The following SRGAP3 variants were observed in gnomAD, a reference collection of about 807,000 sequenced individuals.
SRGAP3 encodes the protein SLIT-ROBO Rho GTPase activating protein 3, also known as SLIT-ROBO Rho GTPase-activating protein 3.
A neutral mutation model predicts 121.1 loss-of-function variants in SRGAP3; 39 were observed. The observed-to-expected ratio is 0.32, with a 90% confidence interval of 0.25 to 0.42. SRGAP3 has a LOEUF of 0.42. Ranked by LOEUF, SRGAP3 falls within the 10% of genes least tolerant of loss-of-function variation. The pLI is 1.00. For missense variants in SRGAP3, 1,213 were observed against 1,470.6 expected (o/e 0.82, Z 2.86); for synonymous variants, 601 against 570.0 (o/e 1.05, Z -0.77).
chr3:9,289,364 C>T (rs758999954), intron 3 of SRGAP3, among the ~76,000 whole-genome samples: 1 of 152,198 alleles, frequency 6.6e-6, no homozygotes, highest in Non-Finnish European at 1.5e-5. Flanking sequence ...TGTTGCCTTG[C>T]TTCCCTGTAA....
At chr3:8,991,995 A>G (rs1357956729) in intron 20 of SRGAP3, among the ~76,000 whole-genome samples, 1 of 152,242 alleles carries the variant, frequency 6.6e-6, no homozygotes, top group Non-Finnish European at 1.5e-5. Flanking sequence ...TTCTTTGTCT[A>G]CCTACGCCAG....
chr3:9,297,042 A>G (rs1954964729), intron 3 of SRGAP3, among the ~76,000 whole-genome samples: 1 of 152,090 alleles, frequency 6.6e-6, no homozygotes, highest in Admixed American at 6.5e-5. Context: ...GCACCACCGC[A>G]CCCAGCTAAT....
At chr3:9,334,409 T>A (rs1231032166) in intron 1 of SRGAP3, among the ~76,000 whole-genome samples, 1 of 152,042 alleles carries the variant, frequency 6.6e-6, no homozygotes, top group Non-Finnish European at 1.5e-5. Flanking sequence ...TACAATGTGA[T>A]ATGTGTTGTA....
At chr3:9,252,300 T>C (rs1954035480), upstream of SRGAP3, among the ~76,000 whole-genome samples, 1 of 150,370 alleles carries the variant, frequency 6.7e-6, no homozygotes, top group East Asian at 2.0e-4. Flanking sequence ...CAAATAAAAC[T>C]TTTTTTTTTC....
chr3:9,110,147 G>A (rs1948563737), intron 2 of SRGAP3, among the ~76,000 whole-genome samples: 1 of 152,210 alleles, frequency 6.6e-6, no homozygotes, highest in Non-Finnish European at 1.5e-5. Context: ...GTAGGAAATT[G>A]ACTGGACAGG....
chr3:9,051,301 C>T (rs991240209), intron 9 of SRGAP3, among the ~76,000 whole-genome samples: 5 of 152,172 alleles, frequency 3.3e-5, no homozygotes, highest in Non-Finnish European at 7.3e-5. Flanking sequence ...TGAGCCATGG[C>T]ACCTGGCCCT....
At chr3:9,056,682 A>T (rs907029009) in intron 7 of SRGAP3, among the ~76,000 whole-genome samples, 1 of 152,244 alleles carries the variant, frequency 6.6e-6, no homozygotes, top group Admixed American at 6.5e-5. Flanking sequence ...GTGGCAAGAA[A>T]GCAACCACCT....
In SRGAP3 at chr3:8,990,646, C is replaced by T. The variant is rs376753283; in HGVS notation, c.2752G>A (p.Gly918Arg). Residue 918 changes from glycine to arginine, a missense_variant, in exon 21 of 22, where the codon GGG (glycine) becomes AGG (arginine). Gly to Arg is a moderately radical substitution (Grantham distance 125). This residue lies in a region of SRGAP3 where 420 missense variants were observed against 437.7 expected (regional missense o/e 0.96). Transcript: ENST00000383836. Reference protein sequence around the residue: ...SPEKRRMATFGSAGSINYPDK... With the variant: ...SPEKRRMATFRSAGSINYPDK... ...GGGTAGTTGATGCTGCCAGCGCTCC[C>T]GAACGTCGCCATCCTCCGCTTCTCA... is the stretch of plus-strand genomic sequence containing the variant. 25 of 1,613,586 alleles carry T rather than the reference C, an allele frequency of 1.5e-5. No individual in the cohort carries two copies. The East Asian group carries it at 3.3e-4, about 22-fold the overall frequency.
chr3:9,167,381 A>C (rs1950827108), intron 1 of SRGAP3, among the ~76,000 whole-genome samples: 1 of 152,080 alleles, frequency 6.6e-6, no homozygotes, highest in Non-Finnish European at 1.5e-5. Flanking sequence ...CTGTACTTAC[A>C]CATTTGACAT....
At chr3:9,086,565 G>A (rs1008753926) in intron 3 of SRGAP3, among the ~76,000 whole-genome samples, 2 of 146,336 alleles carry the variant, frequency 1.4e-5, no homozygotes, top group African/African-American at 5.0e-5. Context: ...GTGTATATAT[G>A]TGGGTGTGTA....
intron 3 of SRGAP3, among the ~76,000 whole-genome samples, chr3:9,272,064 T>C (rs1448528528): frequency 6.6e-6 from 1 of 152,240 alleles, no homozygotes; most frequent in African/African-American, 2.4e-5. Context: ...ACAAATCTGT[T>C]GCAATGTTTG....
intron 3 of SRGAP3, among the ~76,000 whole-genome samples, chr3:9,268,255 G>A (rs1170785712): frequency 1.3e-5 from 2 of 151,806 alleles, no homozygotes; most frequent in Non-Finnish European, 2.9e-5. Flanking sequence ...GGAGCCTCAG[G>A]ATGGGATTAG....
chr3:9,172,476 G>C (rs1290890385), intron 1 of SRGAP3, among the ~76,000 whole-genome samples: 1 of 152,070 alleles, frequency 6.6e-6, no homozygotes, highest in Non-Finnish European at 1.5e-5. Flanking sequence ...ACCTGTACAG[G>C]GGTTAGGACT....
chr3:9,303,718 C>T (rs1258751168), intron 3 of SRGAP3, among the ~76,000 whole-genome samples: 1 of 152,308 alleles, frequency 6.6e-6, no homozygotes. Flanking sequence ...CCACAAGAGA[C>T]TGCACCAATT....
chr3:9,340,361 G>C (rs1444886280), intron 1 of SRGAP3, among the ~76,000 whole-genome samples: 1 of 152,208 alleles, frequency 6.6e-6, no homozygotes, highest in Non-Finnish European at 1.5e-5. Context: ...AACAGTGACA[G>C]ATGTAAAAAG....
At chr3:9,204,016 T>C (rs375227430) in intron 1 of SRGAP3, among the ~76,000 whole-genome samples, 7 of 152,106 alleles carry the variant, frequency 4.6e-5, no homozygotes, top group African/African-American at 1.4e-4. Flanking sequence ...GATGTAGATA[T>C]TACCGCTACA....
At chr3:9,310,308 G>C (rs758586593) in intron 3 of SRGAP3, among the ~76,000 whole-genome samples, 1 of 152,122 alleles carries the variant, frequency 6.6e-6, no homozygotes, top group Non-Finnish European at 1.5e-5. Flanking sequence ...GCTTATTGGT[G>C]CTTTTCCTAG....
At position 9,212,992 on chromosome 3, in the gene SRGAP3, TC is replaced by T. The variant is rs141294540; in HGVS notation, c.67+35892del. Among the ~76,000 whole-genome samples, 120 of 152,212 alleles carry T rather than the reference TC, an allele frequency of 7.9e-4. 1 individual carries two copies. In the East Asian group the frequency reaches 0.012, roughly 15 times the overall value. On this transcript the variant is annotated intron_variant, in intron 1 of 21. Transcript: ENST00000383836. Reference sequence around the variant, plus strand: ...GAGCCCACTGGAAAAGATTCCCATTTCCCCCTGCTGATGCAGCTCCATGCCG... The same window carrying T: ...GAGCCCACTGGAAAAGATTCCCATTTCCCCTGCTGATGCAGCTCCATGCCG...
chr3:9,206,857 T>C (rs1222849573), intron 1 of SRGAP3, among the ~76,000 whole-genome samples: 1 of 152,192 alleles, frequency 6.6e-6, no homozygotes, highest in Non-Finnish European at 1.5e-5. Context: ...TATGTCCTTA[T>C]TTGTCTATTT....
Sources: gnomAD v4.1 joint callset for allele counts (sites outside exome capture counted in the v4.1 genomes callset) on GRCh38, gnomAD v4.1.1 for gene constraint, gnomAD v4.1.1 regional missense constraint, MANE v1.5 for transcripts, NCBI Gene and HGNC (gene_info 2026-07-23, HGNC 2026-07-21) for gene names.